The following NRG1 variants were observed in gnomAD, a reference collection of about 807,000 sequenced individuals.
NRG1 encodes the protein pro-neuregulin-1, membrane-bound isoform.
Under a neutral mutation model 63.8 loss-of-function variants are expected in NRG1, and 18 were observed. That is an observed-to-expected ratio of 0.28 (90% CI 0.19 to 0.42). NRG1 has a LOEUF of 0.42. Ranked by LOEUF, NRG1 falls within the 10% of genes least tolerant of loss-of-function variation. The pLI is 1.00. For missense variants in NRG1, 762 were observed against 814.7 expected (o/e 0.94, Z 0.79); for synonymous variants, 302 against 301.3 (o/e 1.00, Z -0.02).
At chr8:32,741,929 C>T in intron 6 of NRG1, 79 bp from the exon 7 acceptor site, 1 of 1,011,252 alleles carries the variant, frequency 9.9e-7, no homozygotes, top group Non-Finnish European at 1.6e-6. Flanking sequence ...TCTCCATATT[C>T]CATAGGAGGA....
At chr8:31,669,086 G>A (rs1026896132) in intron 1 of NRG1, among the ~76,000 whole-genome samples, 94 of 152,078 alleles carry the variant, frequency 6.2e-4, no homozygotes, top group African/African-American at 2.0e-3. Flanking sequence ...ACAAGGTCTC[G>A]CTCTGTCACC....
At chr8:32,631,259 G>C (rs1243548406) in intron 5 of NRG1, among the ~76,000 whole-genome samples, 1 of 152,160 alleles carries the variant, frequency 6.6e-6, no homozygotes, top group Non-Finnish European at 1.5e-5. Flanking sequence ...TCTTCTTTCT[G>C]TATTGAGTGC....
intron 1 of NRG1, among the ~76,000 whole-genome samples, chr8:32,195,030 A>G (rs1842831823): frequency 6.6e-6 from 1 of 152,164 alleles, no homozygotes; most frequent in African/African-American, 2.4e-5. Context: ...TTTGAAAGGT[A>G]CTTCATCAAC....
intron 1 of NRG1, among the ~76,000 whole-genome samples, chr8:32,104,476 C>A (rs1040590026): frequency 6.6e-6 from 1 of 151,734 alleles, no homozygotes; most frequent in African/African-American, 2.4e-5. Flanking sequence ...ATTTAGGCTA[C>A]CTATATTTAT....
intron 1 of NRG1, among the ~76,000 whole-genome samples, chr8:31,707,382 A>G (rs916507417): frequency 3.9e-5 from 6 of 152,114 alleles, no homozygotes; most frequent in African/African-American, 1.4e-4. Flanking sequence ...GCCAGTATTC[A>G]GGGACTATAT....
At chr8:31,952,182 C>G (rs941977438) in intron 1 of NRG1, among the ~76,000 whole-genome samples, 18 of 152,176 alleles carry the variant, frequency 1.2e-4, no homozygotes, top group Non-Finnish European at 1.9e-4. Context: ...GGCTTCAACT[C>G]TAATTTATTC....
intron 1 of NRG1, among the ~76,000 whole-genome samples, chr8:32,233,563 A>ATTTTTT (rs1554660617): frequency 2.4e-4 from 16 of 67,246 alleles, no homozygotes; most frequent in Admixed American, 4.4e-4. Flanking sequence ...ATATATATAT[A>ATTTTTT]TTTTTTTTTT....
At chr8:32,602,077 G>T (rs926083880) in intron 2 of NRG1, among the ~76,000 whole-genome samples, 1 of 152,080 alleles carries the variant, frequency 6.6e-6, no homozygotes, top group Admixed American at 6.6e-5. Flanking sequence ...GCCCATTGAT[G>T]TTCTGTCTTA....
intron 1 of NRG1, among the ~76,000 whole-genome samples, chr8:32,584,938 C>A (rs1841349187): frequency 6.6e-6 from 1 of 151,990 alleles, no homozygotes. Context: ...AAGTAAATTT[C>A]TTTAAATAAA....
intron 1 of NRG1, among the ~76,000 whole-genome samples, chr8:32,334,736 T>C (rs1476996377): frequency 1.3e-5 from 2 of 152,222 alleles, no homozygotes; most frequent in Non-Finnish European, 2.9e-5. Context: ...GCCAACAATA[T>C]AATTGTTGAA....
chr8:31,832,954 A>T (rs1825311257), intron 1 of NRG1, among the ~76,000 whole-genome samples: 1 of 152,136 alleles, frequency 6.6e-6, no homozygotes, highest in East Asian at 1.9e-4. Context: ...TCTCTTTAGG[A>T]TGAAGTTACC....
At chr8:32,054,863 C>CTTTTTTTTTTTTTTTTT (rs543522972) in intron 1 of NRG1, among the ~76,000 whole-genome samples, 1 of 64,024 alleles carries the variant, frequency 1.6e-5, no homozygotes, top group African/African-American at 6.1e-5. Flanking sequence ...TTCTTTCTTT[C>CTTTTTTTTTTTTTTTTT]TTTTTTTTTT....
intron 1 of NRG1, among the ~76,000 whole-genome samples, chr8:31,924,743 C>A (rs1338080961): frequency 1.3e-5 from 2 of 151,098 alleles, no homozygotes; most frequent in Non-Finnish European, 1.5e-5. Context: ...GCATGTTAGG[C>A]CGTAAGTTTC....
At chr8:31,974,154 A>T (rs1184981479) in intron 1 of NRG1, among the ~76,000 whole-genome samples, 1 of 152,140 alleles carries the variant, frequency 6.6e-6, no homozygotes, top group Non-Finnish European at 1.5e-5. Context: ...AACAACAGGC[A>T]TATACATGAC....
chr8:32,739,025 T>C (rs894344383), intron 6 of NRG1, among the ~76,000 whole-genome samples: 4 of 152,192 alleles, frequency 2.6e-5, no homozygotes, highest in Non-Finnish European at 4.4e-5. Flanking sequence ...TGATTCCATG[T>C]GTTAGAATAA....
chr8:32,660,572 G>A (rs916739219), intron 5 of NRG1, among the ~76,000 whole-genome samples: 1 of 152,102 alleles, frequency 6.6e-6, no homozygotes, highest in Admixed American at 6.6e-5. Flanking sequence ...GAGACTTCAG[G>A]CAGCAAAGAA....
chr8:32,062,138 T>C (rs1247734766), intron 1 of NRG1, among the ~76,000 whole-genome samples: 1 of 152,056 alleles, frequency 6.6e-6, no homozygotes, highest in Admixed American at 6.6e-5. Flanking sequence ...GCAGTGACCT[T>C]TTAAAAGGGA....
At chr8:31,647,542 G>A (rs1348757085) in intron 1 of NRG1, among the ~76,000 whole-genome samples, 1 of 152,240 alleles carries the variant, frequency 6.6e-6, no homozygotes, top group African/African-American at 2.4e-5. Flanking sequence ...TACTGAGAAG[G>A]AAATGGATGG....
At chr8:32,673,065 A>G (rs948603480) in intron 5 of NRG1, among the ~76,000 whole-genome samples, 2 of 152,172 alleles carry the variant, frequency 1.3e-5, no homozygotes, top group African/African-American at 2.4e-5. Flanking sequence ...GTTTATGCCT[A>G]TAATTAAAAC....
Sources: gnomAD v4.1 joint callset for allele counts (sites outside exome capture counted in the v4.1 genomes callset) on GRCh38, gnomAD v4.1.1 for gene constraint, MANE v1.5 for transcripts, NCBI Gene and HGNC (gene_info 2026-07-23, HGNC 2026-07-21) for gene names.